The following RBBP8 variants were observed in gnomAD, a reference collection of about 807,000 sequenced individuals.
RBBP8 encodes DNA endonuclease RBBP8.
A neutral mutation model predicts 108.3 loss-of-function variants in RBBP8; 88 were observed. The ratio of observed to expected loss-of-function variants is 0.81; its 90% CI spans 0.68 to 0.97. The LOEUF (loss-of-function observed/expected upper bound fraction) is 0.97. RBBP8 is among the 50% of genes least tolerant of loss of function. RBBP8 has a pLI of 0.00. For missense variants in RBBP8, 1,023 were observed against 1,049.0 expected, an observed-to-expected ratio of 0.98 and a Z score of 0.34; for synonymous variants, 332 against 348.2, an observed-to-expected ratio of 0.95 and a Z score of 0.52.
Position 22,982,385 on chromosome 18 carries a change from G to A in RBBP8, c.596G>A (p.Cys199Tyr), listed in dbSNP as rs373800466. 43 of 1,613,902 alleles carry A rather than the reference G, an allele frequency of 2.7e-5. No homozygotes were observed. The highest frequency in any genetic ancestry group is 3.3e-5 in the Admixed American group (2 of 60,010). Residue 199 changes from cysteine to tyrosine, a missense_variant, in exon 7 of 19, where the codon TGT becomes TAT. By Grantham distance (194) the Cys-to-Tyr change is radical (BLOSUM62 -2). Coordinates refer to ENST00000327155, the MANE Select transcript of RBBP8 (RefSeq NM_002894.3). ...CATACTAAATTGGAGCACTCTGTGT[G>A]TGCAAATGGTAAGAGTTGGAGTTGT... ...QTHTKLEHSV[C>Y]ANEMRKVSKS... is the part of the protein sequence containing the mutation.
chr18:23,003,478 A>G (rs143393456), intron 15 of RBBP8, among the ~76,000 whole-genome samples: 247 of 152,034 alleles, frequency 1.6e-3, no homozygotes, highest in African/African-American at 5.4e-3. Flanking sequence ...CTTAATGTCT[A>G]TTTTCTTCAC....
In RBBP8 at chr18:22,937,982, C is replaced by T. The variant is rs150636904; in HGVS notation, c.109+1022C>T. Among the ~76,000 whole-genome samples, 85 of 151,902 alleles carry T rather than the reference C, an allele frequency of 5.6e-4. 1 individual carries two copies. The highest frequency in any genetic ancestry group is 1.8e-3 in the African/African-American group (75 of 41,418). On this transcript the variant is annotated intron_variant, in intron 2 of 18. Transcript: ENST00000327155. ...CTGGGACTACAGGTGTGCACCACCA[C>T]GCCCAGCTAATTTTATGTATTTTTT...
intron 5 of RBBP8, among the ~76,000 whole-genome samples, chr18:22,969,198 A>G (rs1913882472): frequency 6.6e-6 from 1 of 151,358 alleles, no homozygotes; most frequent in African/African-American, 2.4e-5. Context: ...GGACATGTCC[A>G]TATTTGCTTC....
chr18:23,014,942 A>G (rs1244018628), intron 16 of RBBP8, among the ~76,000 whole-genome samples: 2 of 152,094 alleles, frequency 1.3e-5, no homozygotes, highest in South Asian at 2.1e-4. Context: ...CTGAAGTGCA[A>G]TGGCACAATC....
intron 7 of RBBP8, 63 bp downstream of exon 7, chr18:22,982,456 T>C: frequency 6.2e-7 from 1 of 1,607,112 alleles, no homozygotes; most frequent in Non-Finnish European, 8.5e-7. Flanking sequence ...CTACTAGTTT[T>C]TATGTTATTC....
chr18:22,937,202 AC>A (rs996926331), intron 2 of RBBP8: 10 of 563,482 alleles, frequency 1.8e-5, no homozygotes, highest in African/African-American at 4.5e-5. Context: ...CCCTCTTCCC[AC>A]CCCCCTGACC....
At chr18:22,921,355 C>A (rs956296126) in intron 3 of RBBP8, among the ~76,000 whole-genome samples, 2 of 152,224 alleles carry the variant, frequency 1.3e-5, no homozygotes, top group Non-Finnish European at 2.9e-5. Flanking sequence ...TTATCCACAA[C>A]TTCTGACTTC....
At chr18:22,981,285 A>G (rs1914914443) in intron 6 of RBBP8, among the ~76,000 whole-genome samples, 1 of 152,042 alleles carries the variant, frequency 6.6e-6, no homozygotes. Flanking sequence ...TTATCTCTTA[A>G]TAGGACTCTT....
intron 3 of RBBP8, among the ~76,000 whole-genome samples, chr18:22,926,117 C>T (rs533411630): frequency 6.6e-6 from 1 of 152,154 alleles, no homozygotes; most frequent in Admixed American, 6.6e-5. Context: ...ACAGGTGTCC[C>T]TTTCCATTCA....
chr18:22,920,195 T>C (rs1909532394), intron 3 of RBBP8, among the ~76,000 whole-genome samples: 1 of 151,954 alleles, frequency 6.6e-6, no homozygotes, highest in African/African-American at 2.4e-5. Flanking sequence ...TTGGGCACAG[T>C]GGTTAGAAGG....
chr18:22,978,859 AAGTG>A (rs1344361549), intron 6 of RBBP8, among the ~76,000 whole-genome samples: 2 of 152,246 alleles, frequency 1.3e-5, no homozygotes, highest in Non-Finnish European at 2.9e-5. Flanking sequence ...AAAAAAAGAT[AAGTG>A]TGTGAAGTGA....
In RBBP8 at chr18:22,940,185, G is replaced by A. The variant is rs2144419000; in HGVS notation, c.109+3225G>A. ...TTTCTCTATTTCTGCAAAAAATGTT[G>A]GGATTTTGGGATTTGGGATTTTGAT... On this transcript the variant is annotated intron_variant, in intron 2 of 18. Transcript: ENST00000327155. Among the ~76,000 whole-genome samples, 3 of 151,996 alleles carry A rather than the reference G, an allele frequency of 2.0e-5. No individual in the cohort carries two copies. The South Asian group carries it at 6.3e-4, about 32-fold the overall frequency.
chr18:23,007,021 C>CT (rs540477870), intron 16 of RBBP8, among the ~76,000 whole-genome samples: 2,118 of 134,702 alleles, frequency 0.016, 25 homozygotes, highest in Non-Finnish European at 0.02. Flanking sequence ...GTGTGTATTT[C>CT]TTTTTTTTTT....
intron 1 of RBBP8, among the ~76,000 whole-genome samples, chr18:22,915,232 G>A (rs778889224): frequency 2.6e-5 from 4 of 152,004 alleles, no homozygotes; most frequent in Non-Finnish European, 5.9e-5. Context: ...ACTTTGCTTT[G>A]AGCTGAGCAA....
At chr18:22,980,965 CTTTTTTTT>C (rs1167377654) in intron 6 of RBBP8, among the ~76,000 whole-genome samples, 15 of 69,500 alleles carry the variant, frequency 2.2e-4, no homozygotes, top group Non-Finnish European at 2.6e-4. Context: ...CCACTTATGT[CTTTTTTTT>C]TTTTTTTTTT....
chr18:22,981,684 A>T (rs1914941027), intron 6 of RBBP8, among the ~76,000 whole-genome samples: 1 of 152,200 alleles, frequency 6.6e-6, no homozygotes, highest in African/African-American at 2.4e-5. Flanking sequence ...ATGTACTTAA[A>T]ATATTCTAGT....
chr18:22,978,551 A>G (rs1327452616), intron 6 of RBBP8, among the ~76,000 whole-genome samples: 1 of 151,346 alleles, frequency 6.6e-6, no homozygotes, highest in African/African-American at 2.4e-5. Context: ...CTTCTTCCAC[A>G]TTGACTCTGC....
rs537955046 is a variant in RBBP8, at chr18:22,985,920, T to C, written c.709+930T>C. Among the ~76,000 whole-genome samples, 4 of 152,228 alleles carry C rather than the reference T, an allele frequency of 2.6e-5. No individual in the cohort carries two copies. The East Asian group carries it at 7.7e-4, about 29-fold the overall frequency. On this transcript the variant is annotated intron_variant, in intron 8 of 18. Transcript: ENST00000327155. ...AGTATTGAGCCTTGGGGAACTTCAT[T>C]ATGTAAAGTCATGATTTTCAACTTT...
intron 8 of RBBP8, among the ~76,000 whole-genome samples, chr18:22,985,386 A>G (rs1054610104): frequency 2.0e-5 from 3 of 152,184 alleles, no homozygotes; most frequent in East Asian, 1.9e-4. Flanking sequence ...AAGCAGGGTA[A>G]GAAGGGATAT....
Sources: gnomAD v4.1 joint callset for allele counts (sites outside exome capture counted in the v4.1 genomes callset) on GRCh38, gnomAD v4.1.1 for gene constraint, MANE v1.5 for transcripts, NCBI Gene and HGNC (gene_info 2026-07-23, HGNC 2026-07-21) for gene names.